Variants in MRPS26 observed in about 807,000 individuals in gnomAD.
The protein encoded by MRPS26 is mitochondrial ribosomal protein S26, also known as small ribosomal subunit protein mS26.
MRPS26 carries 26 observed loss-of-function variants against 22.7 expected under a neutral mutation model. The observed-to-expected ratio is 1.15, with a 90% CI of 0.84 to 1.59. The LOEUF is 1.59. MRPS26 is among the 40% of genes most tolerant of loss of function. The pLI is 0.00. For missense variants in MRPS26, 291 were observed against 287.7 expected (o/e 1.01, Z -0.08); for synonymous variants, 120 against 124.0 (o/e 0.97, Z 0.22).
At chr20:3,046,886 C>G in intron 3 of MRPS26, 149 bp downstream of exon 3, 1 of 1,309,890 alleles carries the variant, frequency 7.6e-7, no homozygotes, top group East Asian at 2.5e-5. Context: ...GCCAGTCAGG[C>G]GCAAAGACCC....
chr20:3,046,067 C>T lies in MRPS26; in HGVS notation c.-2C>T, dbSNP rs956647137. 6.7e-7 allele frequency: 1 copy of T among 1,501,286 alleles called. No homozygotes were observed. The highest frequency in any genetic ancestry group is 8.8e-7 in the Non-Finnish European group (1 of 1,134,140). 93.0% of individuals were successfully genotyped at this position (1,501,286 alleles called of 1,614,324 possible). Reference sequence around the variant, plus strand: ...CCGCGGCCGCAGTGAGGAGACTCGGCCATGCTACGCGCGCTGAGCCGCCTG... The same window carrying T: ...CCGCGGCCGCAGTGAGGAGACTCGGTCATGCTACGCGCGCTGAGCCGCCTG... On this transcript the variant is annotated 5_prime_UTR_variant, in exon 1 of 4. Coordinates refer to ENST00000380325, the MANE Select transcript of MRPS26 (RefSeq NM_030811.4).
intron 2 of MRPS26, 30 bp from the exon 3 acceptor site, chr20:3,046,562 GGCCTGGGAGAAGCCCGGGCCCC>G: frequency 6.6e-7 from 1 of 1,518,302 alleles, no homozygotes; most frequent in Non-Finnish European, 8.8e-7. Flanking sequence ...CGGCCTGGCC[GGCCTGGGAGAAGCCCGGGCCCC>G]GCTCAGCCTC....
chr20:3,046,787 G>C, intron 3 of MRPS26, 50 bp downstream of exon 3: 1 of 1,524,006 alleles, frequency 6.6e-7, no homozygotes, highest in Non-Finnish European at 8.8e-7. Flanking sequence ...CGCGGCTTGC[G>C]GGGCACTGGG....
chr20:3,046,456 C>A lies in MRPS26; in HGVS notation c.296C>A (p.Ala99Asp). 1 of 1,592,778 alleles carries A rather than the reference C, an allele frequency of 6.3e-7. No homozygotes were observed. The highest frequency in any genetic ancestry group is 8.5e-7 in the Non-Finnish European group (1 of 1,173,948). ...GCGGAGCGCAAGGCCCTGAAGGACG[C>A]CGCCGAGCACCGCGAGCTGATGGCC... Reference protein sequence around the residue: ...VLAERKALKDAAEHRELMAWN... With the variant: ...VLAERKALKDDAEHRELMAWN... The change falls in exon 2 of 4, where the codon GCC (alanine) becomes GAC (aspartate). Residue 99 changes from alanine to aspartate, a missense_variant. Physicochemically the swap from Ala to Asp is moderately radical, Grantham distance 126. Coordinates refer to ENST00000380325, the MANE Select transcript of MRPS26 (RefSeq NM_030811.4).
rs1016509871 is a variant in MRPS26, at chr20:3,048,056, T to C, written c.*187T>C. 1.4e-5 allele frequency: 9 copies of C among 639,992 alleles called. No homozygotes were observed. The highest frequency in any genetic ancestry group is 2.4e-5 in the South Asian group (1 of 41,652). 39.6% of individuals were successfully genotyped at this position (639,992 alleles called of 1,614,324 possible). On this transcript the variant is annotated 3_prime_UTR_variant, in exon 4 of 4. Coordinates refer to ENST00000380325, the MANE Select transcript of MRPS26 (RefSeq NM_030811.4). The surrounding 1 kb of genome is among the most constrained non-coding windows in gnomAD (Gnocchi z 4.1). Reference sequence around the variant, plus strand: ...AACTTCCAAACGCAGTGCCCTGTTCTGCCGGTGTGTACAGCCTCAGCGCAC... The same window carrying C: ...AACTTCCAAACGCAGTGCCCTGTTCCGCCGGTGTGTACAGCCTCAGCGCAC...
rs779976148 is a variant in MRPS26, at chr20:3,046,538, G to A, written c.359+19G>A. On this transcript the variant is annotated intron_variant, in intron 2 of 3. Transcript: ENST00000380325. ...AGCTGCGGTGCGTGGGGCGGGAGGC[G>A]GGGCGGGGCGGCGCGGCCTGGCCGG... 2.0e-6 allele frequency: 3 copies of A among 1,512,168 alleles called. No individual in the cohort carries two copies. The highest frequency in any genetic ancestry group is 2.5e-5 in the South Asian group (2 of 79,548). 93.7% of individuals were successfully genotyped at this position (1,512,168 alleles called of 1,614,324 possible). A position where few individuals can be genotyped will look rare whatever the true frequency, so the allele number is the denominator to read the frequency against.
Position 3,046,690 on chromosome 20 carries a change from G to A in MRPS26, c.436G>A (p.Val146Met). 6.5e-7 allele frequency: 1 copy of A among 1,545,910 alleles called. No individual in the cohort carries two copies. The highest frequency in any genetic ancestry group is 8.7e-7 in the Non-Finnish European group (1 of 1,146,434). The part of the protein sequence containing the change: ...ALEQARKAEE[V>M]QAWAQRKERE... ...GGAGCAGGCCCGCAAGGCCGAAGAG[G>A]TGCAGGCCTGGGCGCAGCGCAAGGA... is the stretch of plus-strand genomic sequence containing the variant. The change falls in exon 3 of 4, where the codon GTG becomes ATG. Residue 146 changes from valine to methionine, a missense_variant. Coordinates refer to ENST00000380325, the MANE Select transcript of MRPS26 (RefSeq NM_030811.4).
rs2065997639 is a variant in MRPS26, at chr20:3,048,072, C to T, written c.*203C>T. 5.5e-6 allele frequency: 3 copies of T among 542,950 alleles called. No homozygotes were observed. Among genetic ancestry groups the T allele is most frequent in the Non-Finnish European group, 9.2e-6 (3 of 326,036 alleles). 33.6% of individuals were successfully genotyped at this position (542,950 alleles called of 1,614,324 possible). Reference sequence around the variant, plus strand: ...GCCCTGTTCTGCCGGTGTGTACAGCCTCAGCGCACCAGGAGACCCTAGAGT... The same window carrying T: ...GCCCTGTTCTGCCGGTGTGTACAGCTTCAGCGCACCAGGAGACCCTAGAGT... On this transcript the variant is annotated 3_prime_UTR_variant, in exon 4 of 4. Coordinates refer to ENST00000380325, the MANE Select transcript of MRPS26 (RefSeq NM_030811.4). The surrounding 1 kb of genome is among the most constrained non-coding windows in gnomAD (Gnocchi z 4.1).
Position 3,046,703 on chromosome 20 carries a change from C to T in MRPS26, c.449C>T (p.Ala150Val), listed in dbSNP as rs1027527894. The T allele has an allele frequency of 6.5e-7, 1 of 1,545,074 alleles. No homozygotes were observed. Residue 150 changes from alanine (A) to valine (V), a missense_variant, in exon 3 of 4, where the codon GCG (alanine) becomes GTG (valine). Physicochemically the swap from Ala to Val is moderately conservative, Grantham distance 64. Coordinates refer to ENST00000380325, the MANE Select transcript of MRPS26 (RefSeq NM_030811.4). ...ARKAEEVQAWAQRKEREVLQL... is the reference protein window; with the variant it reads ...ARKAEEVQAWVQRKEREVLQL... ...AAGGCCGAAGAGGTGCAGGCCTGGGCGCAGCGCAAGGAGCGGGAAGTGCTG... is the reference window on the plus strand; with the variant it reads ...AAGGCCGAAGAGGTGCAGGCCTGGGTGCAGCGCAAGGAGCGGGAAGTGCTG...
chr20:3,046,992 G>T (rs370175607), intron 3 of MRPS26, among the ~76,000 whole-genome samples: 4 of 152,226 alleles, frequency 2.6e-5, no homozygotes, highest in Non-Finnish European at 5.9e-5. Flanking sequence ...TGCATAACAG[G>T]TGATGAAGCC....
Position 3,046,658 on chromosome 20 carries a change from A to T in MRPS26, c.404A>T (p.Gln135Leu), listed in dbSNP as rs577834155. ...GAGGAGCGGGAGCAGGAGCAGCGGC[A>T]GGCGTTGGAGCAGGCCCGCAAGGCC... ...RQEEREQEQR[Q>L]ALEQARKAEE... The change falls in exon 3 of 4, where the codon CAG (glutamine) becomes CTG (leucine). Residue 135 changes from glutamine (Q) to leucine (L), a missense_variant. Physicochemically the swap from Gln to Leu is moderately radical, Grantham distance 113. Coordinates refer to ENST00000380325, the MANE Select transcript of MRPS26 (RefSeq NM_030811.4). 5.2e-6 allele frequency: 8 copies of T among 1,542,232 alleles called. No individual in the cohort carries two copies. In the South Asian group the frequency reaches 8.3e-5, roughly 16 times the overall value.
chr20:3,047,788 A>T lies in MRPS26; in HGVS notation c.537A>T (p.Ala179=), dbSNP rs377669259. 4 of 1,613,800 alleles carry T rather than the reference A, an allele frequency of 2.5e-6. No homozygotes were observed. The highest frequency in any genetic ancestry group is 3.4e-6 in the Non-Finnish European group (4 of 1,179,924). Residue 179 remains alanine (A), a synonymous_variant, in exon 4 of 4, where the codon GCA becomes GCT. Coordinates refer to ENST00000380325, the MANE Select transcript of MRPS26 (RefSeq NM_030811.4). ...AGAACCTGGAGGCACGGGTGGAAGCAGCATTGGACTCCCGGAAGAACTACA... is the reference window on the plus strand; with the variant it reads ...AGAACCTGGAGGCACGGGTGGAAGCTGCATTGGACTCCCGGAAGAACTACA... ...TRENLEARVE[A]ALDSRKNYNW... is the part of the protein sequence containing the mutation.
chr20:3,047,387 AAAATAAAT>A (rs140175929), intron 3 of MRPS26, among the ~76,000 whole-genome samples: 26 of 150,826 alleles, frequency 1.7e-4, no homozygotes, highest in East Asian at 1.2e-3. Flanking sequence ...ACTCCGTCTC[AAAATAAAT>A]AAATAAATAA....
Position 3,046,220 on chromosome 20 carries a change from C to A in MRPS26, c.152C>A (p.Ala51Glu), listed in dbSNP as rs755538163. The change falls in exon 1 of 4, where the codon GCG becomes GAG. Residue 51 changes from alanine to glutamate, a missense_variant. Physicochemically the swap from Ala to Glu is moderately radical, Grantham distance 107. Transcript: ENST00000380325. ...AACATGCCGCCCGCGGTGGACCCTG[C>A]GGAGTTCTTCGTGCTGATGGAGCGT... ...RVNMPPAVDP[A>E]EFFVLMERYQ... is the part of the protein sequence containing the mutation. The A allele has an allele frequency of 8.1e-6, 13 of 1,604,418 alleles. No homozygotes were observed. The highest frequency in any genetic ancestry group is 9.3e-6 in the Non-Finnish European group (11 of 1,179,628).
At chr20:3,046,886 C>A in intron 3 of MRPS26, 149 bp downstream of exon 3, 4 of 1,309,888 alleles carry the variant, frequency 3.1e-6, no homozygotes, top group Non-Finnish European at 4.1e-6. Flanking sequence ...GCCAGTCAGG[C>A]GCAAAGACCC....
intron 3 of MRPS26, 152 bp from the exon 4 acceptor site, chr20:3,047,583 G>C: frequency 9.7e-7 from 1 of 1,031,458 alleles, no homozygotes. Flanking sequence ...TGGGAGGCCA[G>C]AGGGGCTCTC....
At chr20:3,046,323 CGGT>C in intron 1 of MRPS26, 43 bp downstream of exon 1, 1 of 1,605,498 alleles carries the variant, frequency 6.2e-7, no homozygotes. Context: ...GCGCTGGTGA[CGGT>C]GGGAGTGGGC....
rs777640989 is a variant in MRPS26 at position 3,046,196 on chromosome 20, ACAT to A, written c.129_131del (p.Asn43_Met44delinsLys). 734 of 1,601,534 alleles carry A rather than the reference ACAT, an allele frequency of 4.6e-4. 1 individual carries two copies. The highest frequency in any genetic ancestry group is 4.0e-4 in the Non-Finnish European group (470 of 1,179,586). The stretch of plus-strand genomic sequence containing the variant: ...GCCAAATCCAAGATCGAGCGAGTGA[ACAT>A]GCCGCCCGCGGTGGACCCTGCGGAG... On this transcript the variant is annotated inframe_deletion, in exon 1 of 4. Coordinates refer to ENST00000380325, the MANE Select transcript of MRPS26 (RefSeq NM_030811.4).
rs1375199132 is a variant in MRPS26, at chr20:3,048,049, C to T, written c.*180C>T. On this transcript the variant is annotated 3_prime_UTR_variant, in exon 4 of 4. Transcript: ENST00000380325. The surrounding 1 kb of genome is among the most constrained non-coding windows in gnomAD (Gnocchi z 4.1). The stretch of plus-strand genomic sequence containing the variant: ...GGTCAGAAACTTCCAAACGCAGTGC[C>T]CTGTTCTGCCGGTGTGTACAGCCTC... 3.9e-5 allele frequency: 26 copies of T among 673,060 alleles called. No homozygotes were observed. The highest frequency in any genetic ancestry group is 6.1e-5 in the Non-Finnish European group (26 of 427,622). 41.7% of individuals were successfully genotyped at this position (673,060 alleles called of 1,614,324 possible). A position where few individuals can be genotyped will look rare whatever the true frequency, so the allele number is the denominator to read the frequency against.
Sources: allele counts gnomAD v4.1 joint callset (sites outside exome capture counted in the v4.1 genomes callset), GRCh38; gene constraint gnomAD v4.1.1; non-coding constraint Gnocchi (gnomAD v3.1); transcripts MANE v1.5; gene names NCBI Gene and HGNC (gene_info 2026-07-23, HGNC 2026-07-21).